The following LEPR variants were observed in gnomAD, a reference collection of about 807,000 sequenced individuals.
The protein encoded by LEPR is OB receptor.
Under a neutral mutation model 114.7 loss-of-function variants are expected in LEPR, and 56 were observed. The observed-to-expected ratio is 0.49, with a 90% CI of 0.39 to 0.61. The LOEUF (loss-of-function observed/expected upper bound fraction) is 0.61. Ranked by LOEUF, LEPR falls within the 20% of genes least tolerant of loss-of-function variation. The probability of loss-of-function intolerance (pLI) is 0.00; values close to 1 mark genes in which losing one functional copy is unlikely to be tolerated. For missense variants in LEPR, 1,202 were observed against 1,352.9 expected (o/e 0.89, Z 1.75); for synonymous variants, 443 against 461.4 (o/e 0.96, Z 0.51).
chr1:65,572,463 A>G lies in LEPR; in HGVS notation c.494+14A>G. ...TTTATATGTTCTGTAAGTACCAAAT[A>G]ATTAATTTGGCATTTCTAATACACA... On this transcript the variant is annotated intron_variant, in intron 5 of 19. Transcript: ENST00000349533. 1.3e-6 allele frequency: 2 copies of G among 1,582,046 alleles called. No homozygotes were observed. The highest frequency in any genetic ancestry group is 1.7e-6 in the Non-Finnish European group (2 of 1,156,036).
chr1:65,551,343 C>T (rs1430988744), intron 2 of LEPR, among the ~76,000 whole-genome samples: 2 of 152,014 alleles, frequency 1.3e-5, no homozygotes, highest in African/African-American at 4.8e-5. Context: ...TCTGTCTGGT[C>T]CTGGGCCTTT....
chr1:65,470,822 T>G (rs1287999991), intron 2 of LEPR, among the ~76,000 whole-genome samples: 1 of 152,254 alleles, frequency 6.6e-6, no homozygotes, highest in African/African-American at 2.4e-5. Flanking sequence ...TTCAAAAATG[T>G]GCAAAATATT....
chr1:65,541,042 C>T lies in LEPR; in HGVS notation c.-20-24504C>T, dbSNP rs558636627. On this transcript the variant is annotated intron_variant, in intron 2 of 19. Transcript: ENST00000349533. ...AGATGGGGTTTTTCCAGGCTGGTCT[C>T]GAACTCCTGGCCTCAAGTGATCCGC... Among the ~76,000 whole-genome samples, 91 of 152,156 alleles carry T rather than the reference C, an allele frequency of 6.0e-4. 1 individual carries two copies. The highest frequency in any genetic ancestry group is 5.6e-3 in the Admixed American group (86 of 15,282).
chr1:65,424,854 A>G (rs1268023119), intron 1 of LEPR, among the ~76,000 whole-genome samples: 1 of 152,152 alleles, frequency 6.6e-6, no homozygotes, highest in Non-Finnish European at 1.5e-5. Flanking sequence ...TCATGACCTC[A>G]TCTGAACCTA....
intron 2 of LEPR, chr1:65,430,223 A>C (rs1220766233): frequency 3.3e-5 from 15 of 461,250 alleles, no homozygotes; most frequent in Non-Finnish European, 3.8e-5. Flanking sequence ...CCATGCCTTC[A>C]GAGTGCTTTC....
chr1:65,432,770 A>C (rs1283111289), intron 2 of LEPR: 1 of 528,518 alleles, frequency 1.9e-6, no homozygotes, highest in African/African-American at 2.1e-5. Flanking sequence ...TATAGGAATA[A>C]TTGAATGTAT....
intron 19 of LEPR, among the ~76,000 whole-genome samples, chr1:65,632,574 C>T (rs771508921): frequency 6.6e-6 from 1 of 152,100 alleles, no homozygotes; most frequent in Non-Finnish European, 1.5e-5. Context: ...GGTCCTCCCT[C>T]TACTCTAATT....
intron 2 of LEPR, among the ~76,000 whole-genome samples, chr1:65,475,898 C>A (rs1023551944): frequency 6.6e-6 from 1 of 151,670 alleles, no homozygotes; most frequent in Non-Finnish European, 1.5e-5. Flanking sequence ...TGCCTGTAAT[C>A]CCTGCTGCTC....
At chr1:65,437,134 G>T (rs1169816692) in intron 2 of LEPR, among the ~76,000 whole-genome samples, 1 of 152,176 alleles carries the variant, frequency 6.6e-6, no homozygotes, top group Non-Finnish European at 1.5e-5. Flanking sequence ...AATGAGTTAC[G>T]TGAGTTCTGA....
chr1:65,577,376 A>G (rs1029530176), intron 5 of LEPR: 1 of 152,928 alleles, frequency 6.5e-6, no homozygotes, highest in African/African-American at 2.4e-5. Context: ...ACATCCATAA[A>G]GATGATTTCA....
At chr1:65,623,204 A>T in intron 19 of LEPR, 2 of 521,730 alleles carry the variant, frequency 3.8e-6, no homozygotes, top group East Asian at 6.8e-5. Flanking sequence ...AGAGTTCACA[A>T]TATACATATG....
intron 19 of LEPR, among the ~76,000 whole-genome samples, chr1:65,628,430 G>A (rs910003303): frequency 6.6e-6 from 1 of 152,144 alleles, no homozygotes; most frequent in African/African-American, 2.4e-5. Flanking sequence ...AGGAACCCAT[G>A]ATTTCAAGAA....
chr1:65,598,202 G>T (rs1459368588), intron 7 of LEPR, among the ~76,000 whole-genome samples: 1 of 149,264 alleles, frequency 6.7e-6, no homozygotes, highest in African/African-American at 2.5e-5. Context: ...CCAAAGTGTT[G>T]GGATTACAGG....
At chr1:65,571,920 C>G (rs1342926071) in intron 4 of LEPR, among the ~76,000 whole-genome samples, 1 of 131,162 alleles carries the variant, frequency 7.6e-6, no homozygotes, top group Non-Finnish European at 1.5e-5. Context: ...GCCATGATCA[C>G]ATGATCATGC....
intron 9 of LEPR, 24 bp from the exon 10 acceptor site, chr1:65,601,819 A>G: frequency 6.3e-7 from 1 of 1,594,444 alleles, no homozygotes; most frequent in Non-Finnish European, 8.6e-7. Flanking sequence ...GCTTTATATT[A>G]ATATTTTAAT....
intron 19 of LEPR, chr1:65,630,525 T>C (rs1658473929): frequency 1.3e-5 from 2 of 152,132 alleles, no homozygotes; most frequent in African/African-American, 4.8e-5. Flanking sequence ...TGAAGAGACT[T>C]TCAATTCCAT....
chr1:65,621,299 G>A, intron 17 of LEPR, 54 bp from the exon 18 acceptor site: 1 of 1,493,042 alleles, frequency 6.7e-7, no homozygotes, highest in Non-Finnish European at 9.3e-7. Flanking sequence ...GATACAGAAA[G>A]AAATTAATAT....
chr1:65,630,775 T>C (rs1042553998), intron 19 of LEPR, among the ~76,000 whole-genome samples: 28 of 152,082 alleles, frequency 1.8e-4, no homozygotes, highest in African/African-American at 6.5e-4. Context: ...GATTTTTATA[T>C]ACTATTATTT....
intron 2 of LEPR, among the ~76,000 whole-genome samples, chr1:65,475,896 A>T (rs1557613291): frequency 6.6e-6 from 1 of 151,658 alleles, no homozygotes; most frequent in Non-Finnish European, 1.5e-5. Flanking sequence ...TGTGCCTGTA[A>T]TCCCTGCTGC....
Sources: allele counts gnomAD v4.1 joint callset (sites outside exome capture counted in the v4.1 genomes callset), GRCh38; gene constraint gnomAD v4.1.1; transcripts MANE v1.5; gene names NCBI Gene and HGNC (gene_info 2026-07-23, HGNC 2026-07-21).